The following GABRB2 variants were observed in gnomAD, a reference collection of about 807,000 sequenced individuals.
The protein encoded by GABRB2 is gamma-aminobutyric acid type A receptor subunit beta2.
GABRB2 carries 16 observed loss-of-function variants against 54.7 expected under a neutral mutation model. That is an observed-to-expected ratio of 0.29 (90% CI 0.20 to 0.44). GABRB2 has a LOEUF of 0.44. Among genes scored for constraint, GABRB2 ranks in the 20% least tolerant of loss-of-function variants. The pLI is 1.00. For synonymous variants in GABRB2, 244 were observed against 233.8 expected, an observed-to-expected ratio of 1.04 and a Z score of -0.40; for missense variants, 355 against 644.0, an observed-to-expected ratio of 0.55 and a Z score of 4.86.
intron 3 of GABRB2, among the ~76,000 whole-genome samples, chr5:161,471,158 C>T (rs543720983): frequency 6.6e-6 from 1 of 152,078 alleles, no homozygotes; most frequent in East Asian, 1.9e-4. Flanking sequence ...CAACCAAGGT[C>T]CCACAGCTGG....
At chr5:161,294,730 C>A (rs943825837) in intron 9 of GABRB2, among the ~76,000 whole-genome samples, 1 of 152,118 alleles carries the variant, frequency 6.6e-6, no homozygotes, top group Non-Finnish European at 1.5e-5. Flanking sequence ...GCAGAGAAAT[C>A]GAAGGCATGG....
intron 4 of GABRB2, among the ~76,000 whole-genome samples, chr5:161,416,960 A>G (rs188855157): frequency 1.1e-4 from 16 of 152,212 alleles, no homozygotes; most frequent in African/African-American, 3.4e-4. Flanking sequence ...GCAAACTAAT[A>G]TAAAAACTTC....
chr5:161,472,800 T>C (rs1298593035), intron 3 of GABRB2, among the ~76,000 whole-genome samples: 3 of 151,940 alleles, frequency 2.0e-5, no homozygotes, highest in Non-Finnish European at 4.4e-5. Flanking sequence ...AACTAAAACA[T>C]GCTCAGCATA....
chr5:161,293,385 T>G lies in GABRB2; in HGVS notation c.*696A>C, dbSNP rs1383547618. 6.6e-6 allele frequency: 1 copy of G among 152,186 alleles called. No homozygotes were observed. The highest frequency in any genetic ancestry group is 2.4e-5 in the African/African-American group (1 of 41,450). 9.4% of individuals were successfully genotyped at this position (152,186 alleles called of 1,614,324 possible). A position where few individuals can be genotyped will look rare whatever the true frequency, so the allele number is the denominator to read the frequency against. On this transcript the variant is annotated 3_prime_UTR_variant, in exon 10 of 10. Coordinates refer to ENST00000393959, the MANE Select transcript of GABRB2 (RefSeq NM_001371727.1). ...TTTAACCACCTAGGAAATAGCCGTT[T>G]AGCAAAAATTTTCTTGGCCACCATG...
intron 9 of GABRB2, among the ~76,000 whole-genome samples, chr5:161,312,910 G>T (rs935746042): frequency 3.9e-5 from 6 of 152,172 alleles, no homozygotes; most frequent in Non-Finnish European, 7.3e-5. Flanking sequence ...CTGGCTTTAT[G>T]TAAGCTCTTG....
intron 3 of GABRB2, among the ~76,000 whole-genome samples, chr5:161,486,262 T>C (rs770446960): frequency 2.0e-5 from 3 of 151,840 alleles, no homozygotes; most frequent in Admixed American, 6.6e-5. Context: ...TTCTCAAACA[T>C]CCACCCTGTA....
At chr5:161,441,884 G>A (rs1757474768) in intron 4 of GABRB2, among the ~76,000 whole-genome samples, 1 of 152,010 alleles carries the variant, frequency 6.6e-6, no homozygotes, top group African/African-American at 2.4e-5. Flanking sequence ...CACTTATTTG[G>A]GGAATCCAAA....
chr5:161,456,759 A>G (rs939612885), intron 4 of GABRB2, among the ~76,000 whole-genome samples: 2 of 152,158 alleles, frequency 1.3e-5, no homozygotes, highest in African/African-American at 4.8e-5. Context: ...CTAACTACTG[A>G]TATTAATATT....
intron 5 of GABRB2, among the ~76,000 whole-genome samples, chr5:161,393,480 C>A (rs1755899769): frequency 6.6e-6 from 1 of 151,644 alleles, no homozygotes. Flanking sequence ...TCAAAGCATA[C>A]AAAAAGCCAG....
intron 3 of GABRB2, among the ~76,000 whole-genome samples, chr5:161,539,058 A>T (rs544265777): frequency 6.6e-6 from 1 of 152,292 alleles, no homozygotes; most frequent in South Asian, 2.1e-4. Context: ...TAATTTGTGT[A>T]TGTGTTTACT....
intron 9 of GABRB2, among the ~76,000 whole-genome samples, chr5:161,319,057 TTAAGAG>T (rs2113377250): frequency 2.6e-5 from 4 of 151,850 alleles, no homozygotes; most frequent in Non-Finnish European, 4.4e-5. Context: ...TTGTTCCTGT[TTAAGAG>T]TAAAATTATT....
intron 5 of GABRB2, among the ~76,000 whole-genome samples, chr5:161,393,364 G>C (rs1755895303): frequency 9.6e-6 from 1 of 103,866 alleles, no homozygotes; most frequent in Non-Finnish European, 1.8e-5. Flanking sequence ...CCCATTTTTA[G>C]TGTGTGGGCA....
intron 3 of GABRB2, among the ~76,000 whole-genome samples, chr5:161,523,405 A>C (rs1008208394): frequency 6.6e-6 from 1 of 151,502 alleles, no homozygotes; most frequent in Non-Finnish European, 1.5e-5. Context: ...ATACATTTCA[A>C]CCAATTTCAA....
rs554102212 is a variant in GABRB2 at position 161,448,714 on chromosome 5, A to G, written c.458+10910T>C. Among the ~76,000 whole-genome samples, 57 of 152,310 alleles carry G rather than the reference A, an allele frequency of 3.7e-4. 2 individuals are homozygous for G. The South Asian group carries it at 6.2e-3, about 17-fold the overall frequency. ...ATTTCTATACCTCAAATTACAAACTATATTGCATGTAGCTTTTACTTGGAC... is the reference window on the plus strand; with the variant it reads ...ATTTCTATACCTCAAATTACAAACTGTATTGCATGTAGCTTTTACTTGGAC... On this transcript the variant is annotated intron_variant, in intron 4 of 9. Coordinates refer to ENST00000393959, the MANE Select transcript of GABRB2 (RefSeq NM_001371727.1).
chr5:161,319,978 T>A (rs140852159), intron 9 of GABRB2, among the ~76,000 whole-genome samples: 54 of 151,994 alleles, frequency 3.6e-4, no homozygotes, highest in African/African-American at 1.2e-3. Flanking sequence ...TTTCTTTTAA[T>A]TTCCCCTTAA....
chr5:161,545,660 C>A (rs960620035), intron 2 of GABRB2, among the ~76,000 whole-genome samples: 4 of 151,906 alleles, frequency 2.6e-5, no homozygotes, highest in Admixed American at 1.3e-4. Context: ...TTTCCCACCC[C>A]CTTCTGTGCA....
chr5:161,327,154 G>A (rs924845885), intron 8 of GABRB2, among the ~76,000 whole-genome samples: 6 of 151,690 alleles, frequency 4.0e-5, no homozygotes, highest in African/African-American at 1.5e-4. Flanking sequence ...TACTCCAAAG[G>A]ACACTTGGGA....
intron 4 of GABRB2, among the ~76,000 whole-genome samples, chr5:161,440,914 A>C (rs948295229): frequency 9.2e-5 from 14 of 152,226 alleles, no homozygotes; most frequent in Non-Finnish European, 2.1e-4. Flanking sequence ...CTGTATATGC[A>C]TAAGCAAAAT....
chr5:161,478,274 T>C (rs973706818), intron 3 of GABRB2, among the ~76,000 whole-genome samples: 2 of 152,030 alleles, frequency 1.3e-5, no homozygotes, highest in Admixed American at 1.3e-4. Context: ...TTTATGAGTC[T>C]CTGACATAAC....
Sources: allele counts gnomAD v4.1 joint callset (sites outside exome capture counted in the v4.1 genomes callset), GRCh38; gene constraint gnomAD v4.1.1; transcripts MANE v1.5; gene names NCBI Gene and HGNC (gene_info 2026-07-23, HGNC 2026-07-21).